CASS4: variants seen among roughly 807,000 people sequenced by gnomAD.
CASS4 encodes the protein cas scaffolding protein family member 4.
CASS4 carries 22 observed loss-of-function variants against 54.2 expected under a neutral mutation model. That is an observed-to-expected ratio of 0.41 (90% CI 0.29 to 0.58). The LOEUF is 0.58. CASS4 is among the 20% of genes least tolerant of loss of function. The pLI, the probability that CASS4 is intolerant of heterozygous loss-of-function variation, is 0.36. For missense variants in CASS4, 854 were observed against 986.7 expected (o/e 0.87, Z 1.80); for synonymous variants, 409 against 391.5 (o/e 1.04, Z -0.53).
At chr20:56,451,498 A>C (rs59500684) in intron 4 of CASS4, among the ~76,000 whole-genome samples, 1 of 118,758 alleles carries the variant, frequency 8.4e-6, no homozygotes. Flanking sequence ...GATGGAAAAG[A>C]AAGGGTTGCC....
At chr20:56,428,736 AGACTTG>A (rs974036079) in intron 1 of CASS4, among the ~76,000 whole-genome samples, 2 of 152,220 alleles carry the variant, frequency 1.3e-5, no homozygotes, top group Non-Finnish European at 2.9e-5. Flanking sequence ...AGTAGGAAAC[AGACTTG>A]GACTTGGAAA....
chr20:56,437,320 G>A lies in CASS4; in HGVS notation c.193G>A (p.Ala65Thr). 1.2e-6 allele frequency: 2 copies of A among 1,614,062 alleles called. No individual in the cohort carries two copies. Among genetic ancestry groups the A allele is most frequent in the Non-Finnish European group, 1.7e-6 (2 of 1,179,954 alleles). Reference sequence around the variant, plus strand: ...CCATGGGAGGCAAGGCCTGGCCCCTGCCAACCGCCTCCAAATCCTCACGGA... The same window carrying A: ...CCATGGGAGGCAAGGCCTGGCCCCTACCAACCGCCTCCAAATCCTCACGGA... ...LLHGRQGLAP[A>T]NRLQILTEVA... Residue 65 changes from alanine to threonine, a missense_variant, in exon 2 of 6, where the codon GCC (alanine) becomes ACC (threonine). Ala to Thr is a moderately conservative substitution (Grantham distance 58). Coordinates refer to ENST00000679887, the MANE Select transcript of CASS4 (RefSeq NM_020356.4). The surrounding 1 kb of genome is among the most constrained non-coding windows in gnomAD (Gnocchi z 4.7).
intron 1 of CASS4, among the ~76,000 whole-genome samples, chr20:56,432,355 CTTTTTTTTTTTTTT>C (rs922336949): frequency 9.9e-6 from 1 of 101,064 alleles, no homozygotes; most frequent in South Asian, 3.1e-4. Context: ...TTCATAAGTC[CTTTTTTTTTTTTTT>C]TTTTTTTTTT....
Position 56,458,472 on chromosome 20 carries a change from A to G in CASS4, c.2086A>G (p.Ser696Gly). ...AISAFHGSLS[S>G]SQPAEIITQS... ...CAGCGCATTTCACGGCAGCCTCAGC[A>G]GCAGCCAGCCCGCGGAGATCATCAC... The change falls in exon 6 of 6, where the codon AGC becomes GGC. Residue 696 changes from serine (S) to glycine (G), a missense_variant. Ser to Gly is a moderately conservative substitution (Grantham distance 56). Transcript: ENST00000679887. The G allele has an allele frequency of 6.2e-7, 1 of 1,614,160 alleles. No individual in the cohort carries two copies. Among genetic ancestry groups the G allele is most frequent in the Non-Finnish European group, 8.5e-7 (1 of 1,180,044 alleles).
chr20:56,426,087 A>T (rs1049478126), intron 1 of CASS4, among the ~76,000 whole-genome samples: 12 of 152,130 alleles, frequency 7.9e-5, no homozygotes, highest in Admixed American at 3.9e-4. Flanking sequence ...GCCATCTTGT[A>T]TCTGCTAAGA....
At chr20:56,443,926 T>C (rs1405134324) in intron 2 of CASS4, among the ~76,000 whole-genome samples, 1 of 152,156 alleles carries the variant, frequency 6.6e-6, no homozygotes, top group African/African-American at 2.4e-5. Flanking sequence ...TTTGGAAAGC[T>C]GGGCTTCGAG....
rs1449708116 is a variant in CASS4 at position 56,436,358 on chromosome 20, GTGTA to G, written c.37-804_37-801del. Among the ~76,000 whole-genome samples, 28 of 144,412 alleles carry G rather than the reference GTGTA, an allele frequency of 1.9e-4. No homozygotes were observed. The East Asian group carries it at 3.2e-3, about 16-fold the overall frequency. The allele number at this position is 144,412 out of a possible 152,430, so 94.7% of individuals were successfully genotyped here. A position where few individuals can be genotyped will look rare whatever the true frequency, so the allele number is the denominator to read the frequency against. On this transcript the variant is annotated intron_variant, in intron 1 of 5. Transcript: ENST00000679887. ...TATATGTGTGTGTGTGTGTGTGTGT[GTGTA>G]TATATATATATGTATATATATATAT... is the stretch of plus-strand genomic sequence containing the variant.
intron 1 of CASS4, among the ~76,000 whole-genome samples, chr20:56,415,532 G>T (rs143303778): frequency 6.0e-4 from 91 of 152,304 alleles, no homozygotes; most frequent in African/African-American, 2.1e-3. Context: ...CTACCAATAC[G>T]TACTGGTGTT....
At chr20:56,446,109 G>A in intron 3 of CASS4, 108 bp downstream of exon 3, 3 of 708,196 alleles carry the variant, frequency 4.2e-6, no homozygotes, top group South Asian at 1.8e-5. Context: ...GCGGCCAGGG[G>A]CTCAGCCTCC....
At chr20:56,420,796 G>A (rs1979377760) in intron 1 of CASS4, among the ~76,000 whole-genome samples, 1 of 152,054 alleles carries the variant, frequency 6.6e-6, no homozygotes, top group South Asian at 2.1e-4. Flanking sequence ...CCTTACACTG[G>A]TGTTCCCCAA....
chr20:56,431,228 C>A (rs181533365), intron 1 of CASS4, among the ~76,000 whole-genome samples: 101 of 152,328 alleles, frequency 6.6e-4, no homozygotes, highest in African/African-American at 2.3e-3. Context: ...ATTATGACTT[C>A]AGTGCATCCA....
At chr20:56,455,249 A>G (rs1458023916) in intron 5 of CASS4, among the ~76,000 whole-genome samples, 1 of 152,154 alleles carries the variant, frequency 6.6e-6, no homozygotes, top group African/African-American at 2.4e-5. Context: ...CTTTAAATTA[A>G]TGTAAGTAAA....
chr20:56,416,528 CGTGTGTGTGTGTGTGT>C (rs3219626), intron 1 of CASS4, among the ~76,000 whole-genome samples: 1 of 149,096 alleles, frequency 6.7e-6, no homozygotes, highest in Non-Finnish European at 1.5e-5. Context: ...TGTTTACTTC[CGTGTGTGTGTGTGTGT>C]GTGTGTGTGT....
intron 1 of CASS4, among the ~76,000 whole-genome samples, chr20:56,431,305 A>G (rs1979892425): frequency 1.3e-5 from 2 of 152,346 alleles, no homozygotes; most frequent in South Asian, 4.1e-4. Context: ...GGAACTCCCC[A>G]AGACTTTGCA....
At chr20:56,457,872 G>T (rs1221100434) in intron 5 of CASS4, among the ~76,000 whole-genome samples, 2 of 151,948 alleles carry the variant, frequency 1.3e-5, no homozygotes, top group African/African-American at 4.8e-5. Flanking sequence ...AAAATTAATT[G>T]GGCATGGTGG....
intron 1 of CASS4, among the ~76,000 whole-genome samples, chr20:56,420,369 T>C (rs139731473): frequency 6.6e-6 from 1 of 152,158 alleles, no homozygotes; most frequent in East Asian, 1.9e-4. Context: ...AAAAGTGCTT[T>C]GTGGAATGTT....
chr20:56,424,553 C>T (rs1349654819), intron 1 of CASS4, among the ~76,000 whole-genome samples: 1 of 151,822 alleles, frequency 6.6e-6, no homozygotes, highest in Non-Finnish European at 1.5e-5. Context: ...CCAGCCTGGC[C>T]AACATGGGGA....
chr20:56,439,378 A>G (rs1282480346), intron 2 of CASS4, among the ~76,000 whole-genome samples: 1 of 151,804 alleles, frequency 6.6e-6, no homozygotes, highest in Non-Finnish European at 1.5e-5. Context: ...GCATTCATTA[A>G]ATGTAGAATG....
At chr20:56,457,707 G>A (rs1244245638) in intron 5 of CASS4, among the ~76,000 whole-genome samples, 1 of 151,922 alleles carries the variant, frequency 6.6e-6, no homozygotes, top group African/African-American at 2.4e-5. Context: ...TCAAGTTTTT[G>A]TGCATTTTTA....
Sources: allele counts gnomAD v4.1 joint callset (sites outside exome capture counted in the v4.1 genomes callset), GRCh38; gene constraint gnomAD v4.1.1; non-coding constraint Gnocchi (gnomAD v3.1); transcripts MANE v1.5; gene names NCBI Gene and HGNC (gene_info 2026-07-23, HGNC 2026-07-21).